The following TGFA variants were observed in gnomAD, a reference collection of about 807,000 sequenced individuals.
The protein encoded by TGFA is protransforming growth factor alpha.
In TGFA, 12 loss-of-function variants were observed where a neutral mutation model predicts 21.7. That is an observed-to-expected ratio of 0.55 (90% confidence interval 0.35 to 0.90). The LOEUF (loss-of-function observed/expected upper bound fraction) is 0.90. TGFA is among the 40% of genes least tolerant of loss of function. TGFA has a pLI of 0.01. For synonymous variants in TGFA, 79 were observed against 88.1 expected (o/e 0.90, Z 0.58); for missense variants, 178 against 210.8 (o/e 0.84, Z 0.96).
intron 2 of TGFA, among the ~76,000 whole-genome samples, chr2:70,474,133 C>T (rs1395224832): frequency 2.0e-5 from 3 of 152,206 alleles, no homozygotes; most frequent in African/African-American, 4.8e-5. Context: ...ATCCTACCCA[C>T]CCCTCCATCC....
intron 2 of TGFA, among the ~76,000 whole-genome samples, chr2:70,501,055 CTTT>C (rs374685665): frequency 4.0e-5 from 6 of 151,082 alleles, no homozygotes; most frequent in African/African-American, 1.5e-4. Flanking sequence ...TCAGATCTTA[CTTT>C]TAAGTCTTCA....
intron 1 of TGFA, among the ~76,000 whole-genome samples, chr2:70,550,744 C>T (rs1488893696): frequency 6.6e-6 from 1 of 152,146 alleles, no homozygotes; most frequent in Non-Finnish European, 1.5e-5. Flanking sequence ...TGGCGTGAAC[C>T]CGGGAGGCGG....
At chr2:70,462,497 G>A (rs1553491567) in intron 3 of TGFA, among the ~76,000 whole-genome samples, 1 of 152,218 alleles carries the variant, frequency 6.6e-6, no homozygotes, top group African/African-American at 2.4e-5. Context: ...GGGAATTTTG[G>A]GGAGAGGTGG....
intron 2 of TGFA, among the ~76,000 whole-genome samples, chr2:70,509,918 T>C (rs561288343): frequency 7.2e-5 from 11 of 152,332 alleles, no homozygotes; most frequent in Admixed American, 2.6e-4. Flanking sequence ...CTTTTGAAGA[T>C]AGGTCATAAC....
At chr2:70,542,320 G>C (rs1255998889) in intron 1 of TGFA, among the ~76,000 whole-genome samples, 4 of 152,122 alleles carry the variant, frequency 2.6e-5, no homozygotes, top group South Asian at 4.1e-4. Context: ...TGGAAGTACA[G>C]TAATTACAAA....
intron 1 of TGFA, among the ~76,000 whole-genome samples, chr2:70,537,795 T>C (rs1364735101): frequency 2.0e-5 from 3 of 152,216 alleles, no homozygotes; most frequent in African/African-American, 7.2e-5. Flanking sequence ...AGTGCTGACG[T>C]AGGAGCTGCA....
intron 2 of TGFA, among the ~76,000 whole-genome samples, chr2:70,513,373 A>G (rs761065893): frequency 1.3e-4 from 20 of 152,290 alleles, no homozygotes; most frequent in Non-Finnish European, 2.6e-4. Context: ...TCCTCCCTAT[A>G]TGTTCATATC....
chr2:70,553,507 G>A (rs1177135029), intron 1 of TGFA: 1 of 1,380,510 alleles, frequency 7.2e-7, no homozygotes, highest in Non-Finnish European at 9.3e-7. Context: ...CACGGCCCAG[G>A]CAGCCACTTT....
chr2:70,476,392 C>T (rs554644729), intron 2 of TGFA, among the ~76,000 whole-genome samples: 2 of 152,290 alleles, frequency 1.3e-5, no homozygotes, highest in East Asian at 3.9e-4. Flanking sequence ...AACTGGAGCC[C>T]AGTCCTGCTG....
At position 70,456,478 on chromosome 2, in the gene TGFA, C is replaced by A; in HGVS notation, c.226G>T (p.Gly76Trp). ...EDKPACVCHS[G>W]YVGARCEHAD... ...TGCTCACAGCGTGCACCAACGTACCCAGAATGGCAGCTGGGGAAGAAAGGA... is the reference window on the plus strand; with the variant it reads ...TGCTCACAGCGTGCACCAACGTACCAAGAATGGCAGCTGGGGAAGAAAGGA... Residue 76 changes from glycine (G) to tryptophan (W), a missense_variant, in exon 4 of 6, where the codon GGG becomes TGG. Physicochemically the swap from Gly to Trp is radical, Grantham distance 184 (BLOSUM62 -2). Coordinates refer to ENST00000295400, the MANE Select transcript of TGFA (RefSeq NM_003236.4). 1 of 1,607,234 alleles carries A rather than the reference C, an allele frequency of 6.2e-7. No homozygotes were observed.
intron 2 of TGFA, among the ~76,000 whole-genome samples, chr2:70,511,890 T>TACACACACACAC (rs36084203): frequency 3.6e-4 from 52 of 143,046 alleles, no homozygotes; most frequent in African/African-American, 6.7e-4. Context: ...TAGTCATGAA[T>TACACACACACAC]ACACACACAC....
At chr2:70,513,020 T>C (rs1672152822) in intron 2 of TGFA, among the ~76,000 whole-genome samples, 1 of 152,168 alleles carries the variant, frequency 6.6e-6, no homozygotes, top group South Asian at 2.1e-4. Context: ...TGGCTTAATC[T>C]CAAGGCCTTT....
chr2:70,465,862 C>T lies in TGFA; in HGVS notation c.95-126G>A, dbSNP rs562090499. The T allele has an allele frequency of 6.1e-5, 83 of 1,358,248 alleles. No individual in the cohort carries two copies. In the East Asian group the frequency reaches 1.8e-3, roughly 29 times the overall value. The allele number at this position is 1,358,248 out of a possible 1,614,324, so 84.1% of individuals were successfully genotyped here. On this transcript the variant is annotated intron_variant, in intron 2 of 5. Coordinates refer to ENST00000295400, the MANE Select transcript of TGFA (RefSeq NM_003236.4). The stretch of plus-strand genomic sequence containing the variant: ...TGGGACTTTGGGTTCTCACCTGGGG[C>T]ACACCCTCCTCAGCTCTCACTTACT...
intron 2 of TGFA, among the ~76,000 whole-genome samples, chr2:70,467,029 C>A (rs78154838): frequency 0.033 from 4,968 of 151,638 alleles, 253 homozygotes; most frequent in African/African-American, 0.11. Flanking sequence ...TGTTCTCCCC[C>A]CATACCCTTT....
chr2:70,512,168 A>G (rs2103847043), intron 2 of TGFA, among the ~76,000 whole-genome samples: 1 of 152,278 alleles, frequency 6.6e-6, no homozygotes, highest in African/African-American at 2.4e-5. Flanking sequence ...TGACTATAAC[A>G]CGGTCATCAC....
In TGFA at chr2:70,490,201, T is replaced by C. The variant is rs1272156035; in HGVS notation, c.95-24465A>G. Among the ~76,000 whole-genome samples, 20 of 152,322 alleles carry C rather than the reference T, an allele frequency of 1.3e-4. No homozygotes were observed. The East Asian group carries it at 3.9e-3, about 29-fold the overall frequency. Reference sequence around the variant, plus strand: ...TTATAAACAACTGTAGCAAAATTTATTGAAAATAAATTGAACATATAACCA... The same window carrying C: ...TTATAAACAACTGTAGCAAAATTTACTGAAAATAAATTGAACATATAACCA... On this transcript the variant is annotated intron_variant, in intron 2 of 5. Transcript: ENST00000295400.
At chr2:70,523,044 C>T (rs945429315) in intron 1 of TGFA, among the ~76,000 whole-genome samples, 1 of 152,122 alleles carries the variant, frequency 6.6e-6, no homozygotes, top group Non-Finnish European at 1.5e-5. Context: ...AATATTCCCA[C>T]TACAATATTG....
At chr2:70,520,577 C>G (rs13404537) in intron 1 of TGFA, among the ~76,000 whole-genome samples, 1 of 152,078 alleles carries the variant, frequency 6.6e-6, no homozygotes. Context: ...CACCTACATA[C>G]TGTGAGCAAA....
chr2:70,553,404 G>C (rs1574159857), intron 1 of TGFA: 2 of 1,443,396 alleles, frequency 1.4e-6, no homozygotes, highest in African/African-American at 2.9e-5. Flanking sequence ...TAAGCAGGTA[G>C]GTGTAGGCAT....
Sources: gnomAD v4.1 joint callset for allele counts (sites outside exome capture counted in the v4.1 genomes callset) on GRCh38, gnomAD v4.1.1 for gene constraint, MANE v1.5 for transcripts, NCBI Gene and HGNC (gene_info 2026-07-23, HGNC 2026-07-21) for gene names.